Variants in MTCH1 observed in about 807,000 individuals in gnomAD.
MTCH1 encodes mitochondrial carrier 1, also known as mitochondrial carrier homolog 1.
Under a neutral mutation model 49.3 loss-of-function variants are expected in MTCH1, and 23 were observed. The ratio of observed to expected loss-of-function variants is 0.47; its 90% CI spans 0.34 to 0.66. MTCH1 has a LOEUF of 0.66. Ranked by LOEUF, MTCH1 falls within the 30% of genes least tolerant of loss-of-function variation. The probability of loss-of-function intolerance (pLI) is 0.01; values close to 1 mark genes in which losing one functional copy is unlikely to be tolerated. For missense variants in MTCH1, 397 were observed against 532.1 expected (o/e 0.75, Z 2.50); for synonymous variants, 229 against 215.2 (o/e 1.06, Z -0.56).
rs202104211 is a variant in MTCH1, at chr6:36,968,876, G to A, written c.*27C>T. The A allele has an allele frequency of 4.1e-4, 666 of 1,613,676 alleles. 1 individual carries two copies. The highest frequency in any genetic ancestry group is 5.3e-4 in the Non-Finnish European group (628 of 1,179,754). ...AGGCCTCACCCACGGTGGCCAGGTT[G>A]AGACCGTGTTTTTTAGATGATTCAG... On this transcript the variant is annotated 3_prime_UTR_variant, in exon 12 of 12. Transcript: ENST00000373627.
upstream of MTCH1, chr6:36,986,230 G>C (rs1277470698): frequency 7.3e-7 from 1 of 1,361,014 alleles, no homozygotes; most frequent in African/African-American, 1.6e-5. Context: ...CCCCTCACCG[G>C]CGTCAGGGGG....
At chr6:36,983,765 A>G (rs1259025570) in intron 1 of MTCH1, among the ~76,000 whole-genome samples, 1 of 152,054 alleles carries the variant, frequency 6.6e-6, no homozygotes, top group Non-Finnish European at 1.5e-5. Context: ...AATCTAGACA[A>G]TCCCCAAATC....
chr6:36,970,924 C>T (rs999110211), intron 8 of MTCH1: 26 of 584,498 alleles, frequency 4.4e-5, no homozygotes, highest in Middle Eastern at 4.6e-4. Context: ...GATCAGCTGC[C>T]GCTGCCTGTG....
intron 2 of MTCH1, among the ~76,000 whole-genome samples, chr6:36,979,269 T>C (rs941788418): frequency 6.6e-6 from 1 of 152,200 alleles, no homozygotes; most frequent in African/African-American, 2.4e-5. Context: ...AACAATTCCA[T>C]AGAATAAACT....
intron 8 of MTCH1, among the ~76,000 whole-genome samples, chr6:36,971,399 G>A (rs1199013969): frequency 1.3e-5 from 2 of 152,100 alleles, no homozygotes; most frequent in East Asian, 1.9e-4. Context: ...GGCAGCCTCT[G>A]GTCAGACAGC....
At position 36,968,935 on chromosome 6, in the gene MTCH1, C is replaced by G. The variant is rs751065380; in HGVS notation, c.1138G>C (p.Val380Leu). Residue 380 changes from valine (V) to leucine (L), a missense_variant, in exon 12 of 12, where the codon GTG becomes CTG. This residue lies in a region of MTCH1 where 252 missense variants were observed against 388.3 expected (regional missense o/e 0.65). Coordinates refer to ENST00000373627, the MANE Select transcript of MTCH1 (RefSeq NM_001271641.2). ...AGGGCAAAGCATGATCCTGATGACA[C>G]CCGGCGGAAAAGCAGGCTGGAGCCT... ...FRGSSLLFRR[V>L]SSGSCFALE 1.9e-6 allele frequency: 3 copies of G among 1,614,002 alleles called. No homozygotes were observed. The East Asian group carries it at 6.7e-5, about 36-fold the overall frequency.
upstream of MTCH1, chr6:36,986,316 G>C: frequency 6.6e-6 from 5 of 762,682 alleles, no homozygotes; most frequent in Non-Finnish European, 9.1e-6. Context: ...CGCCGGATGT[G>C]GCTCCCCGGC....
chr6:36,974,763 A>T (rs1025468435), intron 7 of MTCH1, among the ~76,000 whole-genome samples: 1 of 152,234 alleles, frequency 6.6e-6, no homozygotes, highest in Non-Finnish European at 1.5e-5. Flanking sequence ...ACAAGGGGCC[A>T]TAAATAAAAA....
intron 11 of MTCH1, 158 bp from the exon 12 acceptor site, chr6:36,969,132 C>T (rs902164946): frequency 1.0e-6 from 1 of 985,266 alleles, no homozygotes; most frequent in Non-Finnish European, 1.2e-6. Flanking sequence ...GCAGAATCTG[C>T]CTGTGTTGAA....
At position 36,977,107 on chromosome 6, in the gene MTCH1, G is replaced by C; in HGVS notation, c.701+92C>G. The C allele has an allele frequency of 7.2e-7, 1 of 1,387,536 alleles. No homozygotes were observed. Among genetic ancestry groups the C allele is most frequent in the South Asian group, 1.2e-5 (1 of 86,008 alleles). 86.0% of individuals were successfully genotyped at this position (1,387,536 alleles called of 1,614,324 possible). ...GCTGAACTCACACAGCACTAGGGCA[G>C]AAAAGGTGCAGCAACCAATCCCAGC... is the stretch of plus-strand genomic sequence containing the variant. On this transcript the variant is annotated intron_variant, in intron 6 of 11. Transcript: ENST00000373627. The surrounding 1 kb of genome is among the most constrained non-coding windows in gnomAD (Gnocchi z 5.4).
chr6:36,983,384 G>C (rs1325908363), intron 1 of MTCH1, among the ~76,000 whole-genome samples: 1 of 152,148 alleles, frequency 6.6e-6, no homozygotes, highest in Non-Finnish European at 1.5e-5. Flanking sequence ...CTCTTTTGCT[G>C]TCCTTATCCA....
At chr6:36,970,554 A>C in intron 9 of MTCH1, 81 bp from the exon 10 acceptor site, 1 of 1,607,618 alleles carries the variant, frequency 6.2e-7, no homozygotes, top group Non-Finnish European at 8.5e-7. Flanking sequence ...ACCCTGTACC[A>C]AGACCTGCCT....
chr6:36,978,972 A>G (rs1314780319), intron 2 of MTCH1, among the ~76,000 whole-genome samples: 4 of 151,494 alleles, frequency 2.6e-5, no homozygotes, highest in Non-Finnish European at 5.9e-5. Context: ...AACACAGAAA[A>G]CAATTCTGTT....
Position 36,982,541 on chromosome 6 carries a change from C to T in MTCH1, c.322-869G>A, listed in dbSNP as rs1258807304. Among the ~76,000 whole-genome samples, 1 of 152,132 alleles carries T rather than the reference C, an allele frequency of 6.6e-6. No individual in the cohort carries two copies. The highest frequency in any genetic ancestry group is 1.9e-4 in the East Asian group (1 of 5,194). On this transcript the variant is annotated intron_variant, in intron 1 of 11. Coordinates refer to ENST00000373627, the MANE Select transcript of MTCH1 (RefSeq NM_001271641.2). The surrounding 1 kb of genome is among the most constrained non-coding windows in gnomAD (Gnocchi z 4.1). ...TAGCTGGGAATACAAGCACCCGCCA[C>T]CATACCCGGCAAATTTTTTGTATTT...
At chr6:36,969,992 A>G (rs781401209) in intron 11 of MTCH1, 47 bp downstream of exon 11, 5 of 1,607,990 alleles carry the variant, frequency 3.1e-6, no homozygotes, top group Admixed American at 1.7e-5. Context: ...CAGCTGAAGG[A>G]TGTAGCAAAG....
intron 1 of MTCH1, among the ~76,000 whole-genome samples, chr6:36,984,257 C>T (rs1236776733): frequency 6.6e-6 from 1 of 152,158 alleles, no homozygotes. Context: ...GCTGTAAATA[C>T]AATCTTAACC....
chr6:36,976,498 C>T (rs138220521), intron 6 of MTCH1: 4 of 471,058 alleles, frequency 8.5e-6, no homozygotes, highest in African/African-American at 6.0e-5. Flanking sequence ...AACTACCAAC[C>T]TCATAATCAG....
chr6:36,978,874 CCT>C (rs1491277975), intron 2 of MTCH1, among the ~76,000 whole-genome samples: 1 of 121,248 alleles, frequency 8.2e-6, no homozygotes, highest in African/African-American at 3.7e-5. Context: ...CTCCCTCCCT[CCT>C]TTTTTTTTTT....
Position 36,982,671 on chromosome 6 carries a change from G to T in MTCH1, c.322-999C>A, listed in dbSNP as rs530443754. 1.3e-5 allele frequency among the ~76,000 whole-genome samples: 2 copies of T among 152,236 alleles called. No homozygotes were observed. The highest frequency in any genetic ancestry group is 6.5e-5 in the Admixed American group (1 of 15,286). On this transcript the variant is annotated intron_variant, in intron 1 of 11. Coordinates refer to ENST00000373627, the MANE Select transcript of MTCH1 (RefSeq NM_001271641.2). This position sits in a 1 kb window ranked among gnomAD's most constrained non-coding sequence, Gnocchi z 4.1. ...CCCAAAGTGCTGGGATTACAGGCAT[G>T]AGCCACTGCGCCCAGCCTGAAATAT...
Sources: allele counts gnomAD v4.1 joint callset (sites outside exome capture counted in the v4.1 genomes callset), GRCh38; gene constraint gnomAD v4.1.1; regional missense constraint gnomAD v4.1.1; non-coding constraint Gnocchi (gnomAD v3.1); transcripts MANE v1.5; gene names NCBI Gene and HGNC (gene_info 2026-07-23, HGNC 2026-07-21).